Variants in HECW1 observed in about 807,000 individuals in gnomAD.
HECW1 encodes the protein E3 ubiquitin-protein ligase HECW1.
HECW1 carries 61 observed loss-of-function variants against 182.3 expected under a neutral mutation model. That is an observed-to-expected ratio of 0.33 (90% CI 0.27 to 0.41). HECW1 has a LOEUF of 0.41. Among genes scored for constraint, HECW1 ranks in the 10% least tolerant of loss-of-function variants. The pLI is 1.00. For synonymous variants in HECW1, 859 were observed against 832.6 expected (o/e 1.03, Z -0.55); for missense variants, 1,739 against 2,108.9 (o/e 0.82, Z 3.44).
At chr7:43,209,672 C>T (rs866154437) in intron 2 of HECW1, among the ~76,000 whole-genome samples, 1 of 152,122 alleles carries the variant, frequency 6.6e-6, no homozygotes, top group Admixed American at 6.5e-5. Context: ...CGTACAGATG[C>T]GAAGCCTGGA....
intron 5 of HECW1, among the ~76,000 whole-genome samples, chr7:43,343,351 T>C (rs1813266737): frequency 6.6e-6 from 1 of 151,596 alleles, no homozygotes; most frequent in Non-Finnish European, 1.5e-5. Flanking sequence ...ACATGTGCCA[T>C]GATGGTTTGC....
chr7:43,283,257 A>G (rs1804156827), intron 3 of HECW1, among the ~76,000 whole-genome samples: 1 of 128,650 alleles, frequency 7.8e-6, no homozygotes, highest in African/African-American at 4.2e-5. Context: ...TTAAGATTTT[A>G]TTTGACCTTT....
At chr7:43,557,003 G>A (rs1313565670) in intron 29 of HECW1, among the ~76,000 whole-genome samples, 4 of 151,998 alleles carry the variant, frequency 2.6e-5, no homozygotes, top group Non-Finnish European at 5.9e-5. Flanking sequence ...AGAAGCAAAT[G>A]CCTCTAAGAG....
chr7:43,311,876 G>C lies in HECW1; in HGVS notation c.141G>C (p.Gln47His), dbSNP rs1808566390. Residue 47 changes from glutamine (Q) to histidine (H), a missense_variant, in exon 4 of 30, where the codon CAG becomes CAC. This residue lies in a region of HECW1 where 279 missense variants were observed against 353.1 expected (regional missense o/e 0.79). Transcript: ENST00000395891. ...EPLRYSYNPD[Q>H]FHNMDLRGGP... Reference sequence around the variant, plus strand: ...TCCGATACAGCTACAACCCCGACCAGTTCCACAACATGGACCTCAGGGGCG... The same window carrying C: ...TCCGATACAGCTACAACCCCGACCACTTCCACAACATGGACCTCAGGGGCG... The C allele has an allele frequency of 6.2e-7, 1 of 1,614,124 alleles. No individual in the cohort carries two copies. The highest frequency in any genetic ancestry group is 1.3e-5 in the African/African-American group (1 of 74,946).
intron 9 of HECW1, chr7:43,440,529 C>T (rs2076853111): frequency 6.6e-6 from 1 of 152,176 alleles, no homozygotes; most frequent in African/African-American, 2.4e-5. Context: ...GTATGACATG[C>T]TTTGTATCAA....
At chr7:43,366,772 A>G (rs1411750119) in intron 6 of HECW1, among the ~76,000 whole-genome samples, 1 of 152,102 alleles carries the variant, frequency 6.6e-6, no homozygotes, top group East Asian at 1.9e-4. Context: ...TGAAGTCTCA[A>G]TTTTACCCTT....
intron 2 of HECW1, among the ~76,000 whole-genome samples, chr7:43,197,231 C>A (rs561806206): frequency 1.3e-5 from 2 of 152,048 alleles, no homozygotes; most frequent in South Asian, 2.1e-4. Flanking sequence ...AAAATCTCTT[C>A]TTTTGGGGGT....
intron 3 of HECW1, among the ~76,000 whole-genome samples, chr7:43,279,311 G>A (rs1026140874): frequency 1.3e-5 from 2 of 152,134 alleles, no homozygotes; most frequent in African/African-American, 4.8e-5. Context: ...GTGTGGGAGG[G>A]ATTACCTTAC....
chr7:43,227,779 C>T (rs956491571), intron 2 of HECW1, among the ~76,000 whole-genome samples: 1 of 152,138 alleles, frequency 6.6e-6, no homozygotes, highest in African/African-American at 2.4e-5. Flanking sequence ...TTTAAAGCTA[C>T]CATAATGAAC....
chr7:43,508,066 G>A lies in HECW1; in HGVS notation c.3801G>A (p.Val1267=), dbSNP rs1018407347. 2 of 1,614,082 alleles carry A rather than the reference G, an allele frequency of 1.2e-6. No homozygotes were observed. The highest frequency in any genetic ancestry group is 1.7e-6 in the Non-Finnish European group (2 of 1,179,952). Residue 1267 remains valine (V), a synonymous_variant, in exon 23 of 30, where the codon GTG becomes GTA. Transcript: ENST00000395891. ...DHLLEGTFNQ[V]MAYSRKELQR... ...TGTTGGAGGGAACCTTCAATCAGGT[G>A]ATGGCCTATTCGCGGAAAGAGCTCC...
intron 2 of HECW1, among the ~76,000 whole-genome samples, chr7:43,209,171 G>A (rs537479000): frequency 8.0e-5 from 7 of 87,980 alleles, no homozygotes; most frequent in African/African-American, 2.8e-4. Flanking sequence ...GTTAACAGTG[G>A]CATCAGACCC....
chr7:43,510,748 G>A (rs1192107520), intron 24 of HECW1, among the ~76,000 whole-genome samples: 1 of 152,166 alleles, frequency 6.6e-6, no homozygotes, highest in Non-Finnish European at 1.5e-5. Flanking sequence ...GGAGACGGTG[G>A]CATAGGACAA....
At chr7:43,461,341 G>T (rs528379699) in intron 13 of HECW1, among the ~76,000 whole-genome samples, 1 of 152,330 alleles carries the variant, frequency 6.6e-6, no homozygotes. Flanking sequence ...GTTCCATCAC[G>T]AACTGTTACA....
intron 2 of HECW1, among the ~76,000 whole-genome samples, chr7:43,161,446 C>T (rs1790516749): frequency 6.6e-6 from 1 of 152,168 alleles, no homozygotes; most frequent in Middle Eastern, 3.2e-3. Context: ...TGTGTAATTA[C>T]AGTGCTTGGT....
intron 2 of HECW1, among the ~76,000 whole-genome samples, chr7:43,131,478 G>A (rs1048873028): frequency 1.3e-5 from 2 of 152,258 alleles, no homozygotes; most frequent in African/African-American, 4.8e-5. Flanking sequence ...TTTTTGAGAG[G>A]AGTGGATGTT....
chr7:43,152,349 A>G (rs1789424252), intron 2 of HECW1, among the ~76,000 whole-genome samples: 3 of 152,242 alleles, frequency 2.0e-5, no homozygotes, highest in African/African-American at 7.2e-5. Context: ...TTTTGAAACT[A>G]TGTATTTTGG....
chr7:43,557,459 G>T (rs2082066756), intron 29 of HECW1, among the ~76,000 whole-genome samples: 1 of 152,234 alleles, frequency 6.6e-6, no homozygotes, highest in Non-Finnish European at 1.5e-5. Context: ...CAGGAGAAAG[G>T]ACTTTGAGGG....
chr7:43,428,736 T>C (rs150310835), intron 8 of HECW1, among the ~76,000 whole-genome samples: 6 of 152,190 alleles, frequency 3.9e-5, no homozygotes, highest in Non-Finnish European at 7.4e-5. Flanking sequence ...CTTCCTTCTG[T>C]GTTCTGGGCA....
At chr7:43,124,422 G>T (rs1785980862) in intron 2 of HECW1, among the ~76,000 whole-genome samples, 1 of 152,196 alleles carries the variant, frequency 6.6e-6, no homozygotes, top group South Asian at 2.1e-4. Flanking sequence ...AATTAGCTAA[G>T]CCATTTGTAG....
Sources: allele counts gnomAD v4.1 joint callset (sites outside exome capture counted in the v4.1 genomes callset), GRCh38; gene constraint gnomAD v4.1.1; regional missense constraint gnomAD v4.1.1; transcripts MANE v1.5; gene names NCBI Gene and HGNC (gene_info 2026-07-23, HGNC 2026-07-21).